ANO3: variants seen among roughly 807,000 people sequenced by gnomAD.
ANO3 encodes anoctamin-3.
ANO3 carries 99 observed loss-of-function variants against 144.8 expected under a neutral mutation model. The ratio of observed to expected loss-of-function variants is 0.68; its 90% CI spans 0.58 to 0.81. ANO3 has a LOEUF of 0.81. Ranked by LOEUF, ANO3 falls within the 30% of genes least tolerant of loss-of-function variation. The pLI, the probability that ANO3 is intolerant of heterozygous loss-of-function variation, is 0.00. For synonymous variants in ANO3, 414 were observed against 392.6 expected (o/e 1.05, Z -0.64); for missense variants, 905 against 1,202.2 (o/e 0.75, Z 3.66).
At chr11:26,265,935 A>G (rs1853297572) in intron 1 of ANO3, among the ~76,000 whole-genome samples, 1 of 152,220 alleles carries the variant, frequency 6.6e-6, no homozygotes, top group Admixed American at 6.5e-5. Context: ...CTTTAATTCC[A>G]ACTTAGTAGC....
At chr11:26,611,664 G>A (rs1158896201) in intron 17 of ANO3, among the ~76,000 whole-genome samples, 3 of 151,974 alleles carry the variant, frequency 2.0e-5, no homozygotes, top group Non-Finnish European at 4.4e-5. Flanking sequence ...TTTTGTGTTG[G>A]TTTTCTGTCT....
chr11:26,220,243 G>A (rs543793811), intron 1 of ANO3, among the ~76,000 whole-genome samples: 5 of 152,278 alleles, frequency 3.3e-5, no homozygotes, highest in African/African-American at 1.2e-4. Context: ...TATGACCTTG[G>A]TGCAACACCC....
chr11:26,506,832 T>C (rs1156459390), intron 4 of ANO3, among the ~76,000 whole-genome samples: 4 of 152,140 alleles, frequency 2.6e-5, no homozygotes, highest in Non-Finnish European at 5.9e-5. Context: ...TTGGCCTTTA[T>C]CTCCTTAAAC....
intron 26 of ANO3, among the ~76,000 whole-genome samples, chr11:26,659,079 T>TACACACACAC (rs145583088): frequency 0.15 from 21,843 of 147,534 alleles, 2,054 homozygotes; most frequent in South Asian, 0.3. Context: ...CCTTGAGCCA[T>TACACACACAC]ACACACACAC....
intron 14 of ANO3, chr11:26,561,078 C>T (rs560016592): frequency 1.4e-5 from 23 of 1,610,534 alleles, no homozygotes; most frequent in Non-Finnish European, 1.9e-5. Flanking sequence ...TACAGAAGTA[C>T]GAAGTGGAGG....
chr11:26,555,849 C>T (rs1367460989), intron 13 of ANO3, among the ~76,000 whole-genome samples: 2 of 152,078 alleles, frequency 1.3e-5, no homozygotes, highest in East Asian at 1.9e-4. Flanking sequence ...GCCAAAGGTA[C>T]AAGCCAACCA....
chr11:26,481,579 C>A (rs901870906), intron 4 of ANO3, among the ~76,000 whole-genome samples: 3 of 152,132 alleles, frequency 2.0e-5, no homozygotes, highest in African/African-American at 7.2e-5. Flanking sequence ...CCTTGCACAG[C>A]TAAATAAATG....
intron 17 of ANO3, among the ~76,000 whole-genome samples, chr11:26,611,889 T>G (rs1443433693): frequency 6.6e-6 from 1 of 152,160 alleles, no homozygotes; most frequent in East Asian, 1.9e-4. Context: ...AGTTTTTGAC[T>G]TAAAGTCTAT....
At chr11:26,502,848 GGAAA>G (rs1385544442) in intron 4 of ANO3, among the ~76,000 whole-genome samples, 3 of 23,548 alleles carry the variant, frequency 1.3e-4, no homozygotes, top group Admixed American at 5.4e-4. Context: ...AAACATTCAG[GGAAA>G]AAAAAAAAAA....
At chr11:26,362,912 G>T (rs1855965490) in intron 1 of ANO3, among the ~76,000 whole-genome samples, 1 of 152,000 alleles carries the variant, frequency 6.6e-6, no homozygotes, top group Non-Finnish European at 1.5e-5. Flanking sequence ...GCATAAATTG[G>T]AATCTTCCCC....
At chr11:26,505,241 C>G (rs1184848141) in intron 4 of ANO3, among the ~76,000 whole-genome samples, 1 of 151,892 alleles carries the variant, frequency 6.6e-6, no homozygotes, top group Non-Finnish European at 1.5e-5. Context: ...AAAAAAAAGA[C>G]GATTCAAAAT....
At chr11:26,584,445 G>C (rs1339454184) in intron 14 of ANO3, among the ~76,000 whole-genome samples, 4 of 152,004 alleles carry the variant, frequency 2.6e-5, no homozygotes, top group African/African-American at 9.7e-5. Context: ...AGGCCTTCCT[G>C]TATTGCCAAT....
chr11:26,512,230 A>C (rs959165665), intron 5 of ANO3, among the ~76,000 whole-genome samples: 3 of 152,192 alleles, frequency 2.0e-5, no homozygotes, highest in Non-Finnish European at 4.4e-5. Flanking sequence ...AACAATTTGC[A>C]GAGTGACTTT....
intron 4 of ANO3, among the ~76,000 whole-genome samples, chr11:26,484,127 G>A (rs1393276689): frequency 6.6e-6 from 1 of 152,160 alleles, no homozygotes; most frequent in Non-Finnish European, 1.5e-5. Flanking sequence ...CTATCCTTAT[G>A]AGCAAAGAGA....
In ANO3 at chr11:26,271,350, A is replaced by G. The variant is rs1853435503; in HGVS notation, c.155-38295A>G. ...CTTGCCCCTGCTGGCACATGGCTGA[A>G]AGCCACAGATGGAGTCCTGACATGG... On this transcript the variant is annotated intron_variant, in intron 1 of 27. Transcript: ENST00000672621. Among the ~76,000 whole-genome samples the G allele has an allele frequency of 2.0e-5, 3 of 152,226 alleles. No homozygotes were observed. The South Asian group carries it at 6.2e-4, about 31-fold the overall frequency.
intron 12 of ANO3, among the ~76,000 whole-genome samples, chr11:26,549,596 C>T (rs1849878165): frequency 6.6e-6 from 1 of 151,884 alleles, no homozygotes; most frequent in Non-Finnish European, 1.5e-5. Flanking sequence ...TCATGTTTCT[C>T]AATTGCCCTG....
rs776129793 is a variant in ANO3 at position 26,598,408 on chromosome 11, G to C, written c.1491G>C (p.Leu497=). 6.3e-7 allele frequency: 1 copy of C among 1,593,340 alleles called. No individual in the cohort carries two copies. Among genetic ancestry groups the C allele is most frequent in the East Asian group, 2.3e-5 (1 of 43,314 alleles). The stretch of plus-strand genomic sequence containing the variant: ...TTTGGAAAAGGAGAAGGAGTATACT[G>C]ACCTATACTTGGGACCTTATCGAAT... ...LEFWKRRRSI[L]TYTWDLIEWE... The change falls in exon 15 of 27, where the codon CTG becomes CTC. Residue 497 remains leucine, a synonymous_variant. Coordinates refer to ENST00000256737, the MANE Select transcript of ANO3 (RefSeq NM_031418.4).
Position 26,660,824 on chromosome 11 carries a change from T to C in ANO3, c.*380T>C, listed in dbSNP as rs1287016063. 1 of 176,054 alleles carries C rather than the reference T, an allele frequency of 5.7e-6. No individual in the cohort carries two copies. Among genetic ancestry groups the C allele is most frequent in the Non-Finnish European group, 1.2e-5 (1 of 84,600 alleles). 10.9% of individuals were successfully genotyped at this position (176,054 alleles called of 1,614,324 possible). ...CACAAGCCAGGCATGGCTTAAAATA[T>C]CATGCAGTCTTCACTCACATACTAA... On this transcript the variant is annotated 3_prime_UTR_variant, in exon 27 of 27. Transcript: ENST00000256737.
intron 20 of ANO3, among the ~76,000 whole-genome samples, chr11:26,636,267 G>T (rs1665442840): frequency 1.3e-5 from 2 of 152,100 alleles, no homozygotes; most frequent in South Asian, 2.1e-4. Flanking sequence ...AAATTAGATT[G>T]TGTATGTAAA....
Sources: allele counts gnomAD v4.1 joint callset (sites outside exome capture counted in the v4.1 genomes callset), GRCh38; gene constraint gnomAD v4.1.1; transcripts MANE v1.5; gene names NCBI Gene and HGNC (gene_info 2026-07-23, HGNC 2026-07-21).